Variants in COMMD10 observed in about 807,000 individuals in gnomAD.
COMMD10 encodes the protein COMM domain containing 10.
In COMMD10, 33 loss-of-function variants were observed where a neutral mutation model predicts 28.9. The observed-to-expected ratio is 1.14, with a 90% confidence interval of 0.87 to 1.53. The LOEUF is 1.53. Ranked by LOEUF, COMMD10 falls within the 40% of genes most tolerant of loss-of-function variation. The pLI, the probability that COMMD10 is intolerant of heterozygous loss-of-function variation, is 0.00. For missense variants in COMMD10, 310 were observed against 233.4 expected, an observed-to-expected ratio of 1.33 and a Z score of -2.14; for synonymous variants, 110 against 81.7, an observed-to-expected ratio of 1.35 and a Z score of -1.87.
chr5:116,245,029 A>G (rs1185262507), intron 5 of COMMD10, among the ~76,000 whole-genome samples: 4 of 138,924 alleles, frequency 2.9e-5, no homozygotes, highest in Admixed American at 2.4e-4. Context: ...CATTCAAAAC[A>G]TAAATCCAGG....
intron 5 of COMMD10, among the ~76,000 whole-genome samples, chr5:116,200,042 C>T (rs1351187457): frequency 6.6e-6 from 1 of 152,090 alleles, no homozygotes; most frequent in African/African-American, 2.4e-5. Flanking sequence ...TGTTTTGATA[C>T]AGGCATACAA....
chr5:116,283,489 G>A (rs534945319), intron 5 of COMMD10, among the ~76,000 whole-genome samples: 1 of 151,684 alleles, frequency 6.6e-6, no homozygotes, highest in Non-Finnish European at 1.5e-5. Flanking sequence ...TGGAATTACA[G>A]GCACCCACCA....
At chr5:116,110,806 G>T (rs187550798) in intron 4 of COMMD10, among the ~76,000 whole-genome samples, 1 of 151,968 alleles carries the variant, frequency 6.6e-6, no homozygotes, top group Admixed American at 6.5e-5. Flanking sequence ...AGAGAGGAAG[G>T]GGGGAGGTGC....
intron 4 of COMMD10, among the ~76,000 whole-genome samples, chr5:116,126,512 G>A (rs943757366): frequency 5.3e-5 from 8 of 151,802 alleles, no homozygotes; most frequent in East Asian, 3.9e-4. Context: ...TCACATTACC[G>A]GACTTCAAAC....
At chr5:116,264,923 A>G (rs929686931) in intron 5 of COMMD10, among the ~76,000 whole-genome samples, 1 of 151,842 alleles carries the variant, frequency 6.6e-6, no homozygotes, top group Non-Finnish European at 1.5e-5. Flanking sequence ...AAAATCTCAG[A>G]TACTGCCTAT....
chr5:116,273,592 C>A (rs574969874), intron 5 of COMMD10, among the ~76,000 whole-genome samples: 7 of 151,910 alleles, frequency 4.6e-5, no homozygotes, highest in African/African-American at 1.7e-4. Context: ...ACTACAGAGG[C>A]ATGTAGCCTG....
intron 5 of COMMD10, among the ~76,000 whole-genome samples, chr5:116,223,725 A>G (rs942689558): frequency 3.3e-5 from 5 of 152,150 alleles, no homozygotes; most frequent in African/African-American, 9.7e-5. Flanking sequence ...TGAAGCGACT[A>G]TAATGTATTG....
At chr5:116,118,822 C>T (rs544031115) in intron 4 of COMMD10, among the ~76,000 whole-genome samples, 31 of 152,186 alleles carry the variant, frequency 2.0e-4, no homozygotes, top group African/African-American at 6.7e-4. Context: ...ATCTAAGAGA[C>T]CCTTAATCAG....
intron 5 of COMMD10, among the ~76,000 whole-genome samples, chr5:116,159,536 A>G (rs1335222711): frequency 1.3e-5 from 2 of 152,138 alleles, no homozygotes; most frequent in African/African-American, 4.8e-5. Context: ...AAAGGATATT[A>G]AGGTTCCTGC....
chr5:116,129,204 G>A (rs1332107326), intron 4 of COMMD10, among the ~76,000 whole-genome samples: 1 of 151,000 alleles, frequency 6.6e-6, no homozygotes, highest in Non-Finnish European at 1.5e-5. Context: ...ATGATGTAAG[G>A]AAGCCCCATA....
chr5:116,261,343 T>C (rs1288777055), intron 5 of COMMD10, among the ~76,000 whole-genome samples: 1 of 151,750 alleles, frequency 6.6e-6, no homozygotes, highest in Non-Finnish European at 1.5e-5. Flanking sequence ...TAAGGTTTCC[T>C]AATCTTGCCT....
chr5:116,110,505 G>T lies in COMMD10; in HGVS notation c.399+17805G>T, dbSNP rs537429194. 1.7e-3 allele frequency among the ~76,000 whole-genome samples: 265 copies of T among 152,128 alleles called. 1 individual carries two copies. Among genetic ancestry groups the T allele is most frequent in the African/African-American group, 6.0e-3 (250 of 41,502 alleles). ...GAATCCGTCTGGTCCTGCGTTTTTG[G>T]GGGGAAGATTTTATTACTGATTTAA... On this transcript the variant is annotated intron_variant, in intron 4 of 6. Transcript: ENST00000274458.
At chr5:116,115,197 T>A (rs540477775) in intron 4 of COMMD10, among the ~76,000 whole-genome samples, 10 of 152,126 alleles carry the variant, frequency 6.6e-5, no homozygotes, top group Admixed American at 6.5e-4. Flanking sequence ...GTCTCCTGGT[T>A]GCTTCCCAAG....
chr5:116,222,135 CAG>C (rs763782836), intron 5 of COMMD10, among the ~76,000 whole-genome samples: 57 of 152,256 alleles, frequency 3.7e-4, no homozygotes, highest in Admixed American at 2.0e-3. Context: ...GGGAAGGACA[CAG>C]AGCATAATTG....
At chr5:116,122,985 C>A (rs1226123957) in intron 4 of COMMD10, among the ~76,000 whole-genome samples, 2 of 152,058 alleles carry the variant, frequency 1.3e-5, no homozygotes, top group African/African-American at 4.8e-5. Context: ...CTCTTGCCTG[C>A]TTGCCCTGGC....
chr5:116,127,539 A>G (rs965919798), intron 4 of COMMD10, among the ~76,000 whole-genome samples: 2 of 152,226 alleles, frequency 1.3e-5, no homozygotes, highest in African/African-American at 4.8e-5. Context: ...ATTTCCGTCA[A>G]TGATAGACTG....
intron 5 of COMMD10, among the ~76,000 whole-genome samples, chr5:116,193,559 C>T (rs1748429366): frequency 1.3e-5 from 2 of 152,092 alleles, no homozygotes; most frequent in Non-Finnish European, 2.9e-5. Flanking sequence ...TTTAAAGCAA[C>T]AGCAGTTAAA....
intron 4 of COMMD10, among the ~76,000 whole-genome samples, chr5:116,126,233 C>G (rs1751632878): frequency 6.6e-6 from 1 of 152,144 alleles, no homozygotes; most frequent in Admixed American, 6.5e-5. Context: ...TGAAGGACCT[C>G]TTCAAGGAGA....
intron 5 of COMMD10, among the ~76,000 whole-genome samples, chr5:116,242,664 T>C (rs1314116168): frequency 2.0e-5 from 3 of 152,254 alleles, no homozygotes; most frequent in East Asian, 1.9e-4. Flanking sequence ...AAGAGGTATA[T>C]AGGATTCCAG....
Sources: gnomAD v4.1 joint callset for allele counts (sites outside exome capture counted in the v4.1 genomes callset) on GRCh38, gnomAD v4.1.1 for gene constraint, MANE v1.5 for transcripts, NCBI Gene and HGNC (gene_info 2026-07-23, HGNC 2026-07-21) for gene names.